The following TRIM37 variants were observed in gnomAD, a reference collection of about 807,000 sequenced individuals.
TRIM37 encodes the protein tripartite motif containing 37.
In TRIM37, 80 loss-of-function variants were observed where a neutral mutation model predicts 129.8. The ratio of observed to expected loss-of-function variants is 0.62; its 90% CI spans 0.51 to 0.74. TRIM37 has a LOEUF of 0.74. Among genes scored for constraint, TRIM37 ranks in the 30% least tolerant of loss-of-function variants. The probability of loss-of-function intolerance (pLI) is 0.00; values close to 1 mark genes in which losing one functional copy is unlikely to be tolerated. For missense variants in TRIM37, 1,054 were observed against 1,176.5 expected (o/e 0.90, Z 1.52); for synonymous variants, 389 against 387.1 (o/e 1.00, Z -0.06).
chr17:59,026,322 A>G (rs1443621922), intron 19 of TRIM37, among the ~76,000 whole-genome samples: 1 of 152,210 alleles, frequency 6.6e-6, no homozygotes, highest in Non-Finnish European at 1.5e-5. Context: ...TTGGAAGAAA[A>G]CAGGAGAAAG....
At chr17:59,032,662 AAC>A (rs2038017194) in intron 17 of TRIM37, among the ~76,000 whole-genome samples, 5 of 152,182 alleles carry the variant, frequency 3.3e-5, no homozygotes, top group Admixed American at 3.3e-4. Flanking sequence ...CCTAGAAAAA[AAC>A]AGATGACAAT....
rs186376410 is a variant in TRIM37 at position 59,042,527 on chromosome 17, C to T, written c.1668-629G>A. The stretch of plus-strand genomic sequence containing the variant: ...CCTGAAATCCCAGAACTTTGGGAGG[C>T]TAAGGTGGGAGGATCACCTGAGGTC... On this transcript the variant is annotated intron_variant, in intron 16 of 23. Transcript: ENST00000262294. 2.7e-3 allele frequency among the ~76,000 whole-genome samples: 395 copies of T among 145,892 alleles called. 3 individuals carry two copies. The highest frequency in any genetic ancestry group is 9.9e-3 in the African/African-American group (386 of 38,820).
At chr17:58,992,175 G>C (rs1412634340) in intron 24 of TRIM37, among the ~76,000 whole-genome samples, 1 of 150,826 alleles carries the variant, frequency 6.6e-6, no homozygotes, top group Non-Finnish European at 1.5e-5. Context: ...GAGATACATA[G>C]GGTGAGGCCT....
chr17:58,999,780 A>T (rs1394756815), intron 23 of TRIM37, among the ~76,000 whole-genome samples: 1 of 152,268 alleles, frequency 6.6e-6, no homozygotes. Flanking sequence ...AATGGTGTAT[A>T]TTCTCAAGAT....
At chr17:59,078,062 G>A (rs1235551546) in intron 7 of TRIM37, among the ~76,000 whole-genome samples, 1 of 149,438 alleles carries the variant, frequency 6.7e-6, no homozygotes, top group Non-Finnish European at 1.5e-5. Flanking sequence ...GAGGCGGAGG[G>A]TGCAATGAGC....
intron 24 of TRIM37, among the ~76,000 whole-genome samples, chr17:58,987,280 A>G (rs1185369039): frequency 1.3e-5 from 2 of 152,250 alleles, no homozygotes; most frequent in East Asian, 1.9e-4. Flanking sequence ...TGACAGCTAC[A>G]GGATTAGGGG....
intron 10 of TRIM37, 126 bp from the exon 11 acceptor site, chr17:59,062,774 T>A: frequency 1.3e-6 from 1 of 760,136 alleles, no homozygotes; most frequent in Non-Finnish European, 2.3e-6. Context: ...ACAAGGTGAC[T>A]GAACAGGTCA....
chr17:59,043,640 C>A (rs1369922715), intron 16 of TRIM37, among the ~76,000 whole-genome samples: 1 of 152,180 alleles, frequency 6.6e-6, no homozygotes, highest in Non-Finnish European at 1.5e-5. Flanking sequence ...AGACTCCCTT[C>A]TGCTGAGACC....
chr17:59,075,506 G>A (rs186905046), intron 8 of TRIM37, 141 bp downstream of exon 8: 5 of 599,754 alleles, frequency 8.3e-6, no homozygotes, highest in East Asian at 6.2e-5. Context: ...GGAGTTTACA[G>A]TGAGCCGAGA....
intron 21 of TRIM37, among the ~76,000 whole-genome samples, chr17:59,015,136 T>G (rs2035760130): frequency 6.6e-6 from 1 of 150,820 alleles, no homozygotes; most frequent in Non-Finnish European, 1.5e-5. Flanking sequence ...TCTCTGATAC[T>G]TTAAAAAAGT....
chr17:59,034,784 C>T (rs2038278773), intron 17 of TRIM37, among the ~76,000 whole-genome samples: 1 of 152,076 alleles, frequency 6.6e-6, no homozygotes, highest in Non-Finnish European at 1.5e-5. Context: ...ATGTACATCC[C>T]AATGAATGCT....
intron 17 of TRIM37, among the ~76,000 whole-genome samples, chr17:59,039,982 C>G (rs1038637350): frequency 1.3e-5 from 2 of 152,006 alleles, no homozygotes; most frequent in African/African-American, 4.8e-5. Flanking sequence ...ACTGCAGGCT[C>G]CGCTTCCTGG....
At chr17:59,031,750 T>A (rs978950327) in intron 18 of TRIM37, 146 bp downstream of exon 18, 2 of 826,398 alleles carry the variant, frequency 2.4e-6, no homozygotes, top group Non-Finnish European at 3.7e-6. Context: ...CTAATTTGGT[T>A]GACATAAATG....
chr17:59,068,338 A>G (rs1468054128), intron 9 of TRIM37, among the ~76,000 whole-genome samples: 1 of 152,252 alleles, frequency 6.6e-6, no homozygotes, highest in African/African-American at 2.4e-5. Context: ...CCACCTCTAA[A>G]GATTCTGGGG....
intron 24 of TRIM37, chr17:58,985,139 T>C (rs1030948752): frequency 6.6e-6 from 1 of 152,670 alleles, no homozygotes; most frequent in Admixed American, 6.5e-5. Context: ...ATGTTGAAAT[T>C]TTGCCAATTA....
intron 17 of TRIM37, among the ~76,000 whole-genome samples, chr17:59,040,885 A>C (rs1940627938): frequency 6.6e-6 from 1 of 151,486 alleles, no homozygotes; most frequent in Non-Finnish European, 1.5e-5. Flanking sequence ...TCTCTACTAA[A>C]AATACAAAAA....
chr17:59,035,505 G>A (rs772416897), intron 17 of TRIM37, among the ~76,000 whole-genome samples: 2 of 151,742 alleles, frequency 1.3e-5, no homozygotes, highest in African/African-American at 4.8e-5. Flanking sequence ...TGTAATCCCA[G>A]CACTTTCAGA....
intron 14 of TRIM37, 58 bp downstream of exon 14, chr17:59,051,156 A>C (rs1346733639): frequency 1.8e-6 from 2 of 1,086,758 alleles, no homozygotes; most frequent in Non-Finnish European, 2.7e-6. Flanking sequence ...CTAATTACAA[A>C]TATAACAAGC....
chr17:59,012,524 CA>C, intron 21 of TRIM37, 78 bp from the exon 22 acceptor site: 1 of 988,008 alleles, frequency 1.0e-6, no homozygotes, highest in Non-Finnish European at 1.6e-6. Context: ...AACTGAGCAC[CA>C]AACTAAGTAG....
Sources: gnomAD v4.1 joint callset for allele counts (sites outside exome capture counted in the v4.1 genomes callset) on GRCh38, gnomAD v4.1.1 for gene constraint, MANE v1.5 for transcripts, NCBI Gene and HGNC (gene_info 2026-07-23, HGNC 2026-07-21) for gene names.